The following COL5A2 variants were observed in gnomAD, a reference collection of about 807,000 sequenced individuals.
The protein encoded by COL5A2 is collagen alpha-2(V) chain.
A neutral mutation model predicts 208.2 loss-of-function variants in COL5A2; 23 were observed. The ratio of observed to expected loss-of-function variants is 0.11; its 90% confidence interval spans 0.08 to 0.16. The LOEUF is 0.16. Among genes scored for constraint, COL5A2 ranks in the 10% least tolerant of loss-of-function variants. The pLI is 1.00. For synonymous variants in COL5A2, 625 were observed against 628.5 expected (o/e 0.99, Z 0.08); for missense variants, 1,590 against 1,956.4 (o/e 0.81, Z 3.53).
At chr2:189,377,747 G>A in the COL5A2 span, among the ~76,000 whole-genome samples, 1 of 152,168 alleles carries the variant, frequency 6.6e-6, no homozygotes, top group Non-Finnish European at 1.5e-5. Flanking sequence ...CCTAGAGGAA[G>A]TTATGAATAT....
rs13402010 is a variant in COL5A2 at position 189,054,687 on chromosome 2, T to A, written c.2392-475A>T. Among the ~76,000 whole-genome samples, 512 of 147,248 alleles carry A rather than the reference T, an allele frequency of 3.5e-3. 1 individual carries two copies. The highest frequency in any genetic ancestry group is 0.012 in the African/African-American group (464 of 38,444). On this transcript the variant is annotated intron_variant, in intron 35 of 53. Coordinates refer to ENST00000374866, the MANE Select transcript of COL5A2 (RefSeq NM_000393.5). ...TGTGTTAAGGCATTTTAGGTGTTTTTTCCTTTTTTTTTTTTTTTTTTTTTG... is the reference window on the plus strand; with the variant it reads ...TGTGTTAAGGCATTTTAGGTGTTTTATCCTTTTTTTTTTTTTTTTTTTTTG...
the COL5A2 span, among the ~76,000 whole-genome samples, chr2:189,407,610 G>A: frequency 6.6e-6 from 1 of 152,134 alleles, no homozygotes; most frequent in East Asian, 1.9e-4. Context: ...CCCAGCAGCT[G>A]TGTATGATTA....
At chr2:189,034,813 T>C (rs1351035889) in intron 53 of COL5A2, 103 bp downstream of exon 53, 30 of 1,344,766 alleles carry the variant, frequency 2.2e-5, no homozygotes, top group Non-Finnish European at 3.2e-5. Context: ...ATTATGCTCA[T>C]ATACAAGGTA....
chr2:189,376,479 A>G, the COL5A2 span, among the ~76,000 whole-genome samples: 1 of 152,178 alleles, frequency 6.6e-6, no homozygotes, highest in South Asian at 2.1e-4. Context: ...TACATAACCT[A>G]GATTAGAAAA....
the COL5A2 span, among the ~76,000 whole-genome samples, chr2:189,424,350 GAAAT>G: frequency 7.5e-4 from 114 of 152,268 alleles, no homozygotes; most frequent in African/African-American, 2.6e-3. Flanking sequence ...GCAAAGGAAA[GAAAT>G]AAAAGCCATC....
At chr2:189,219,260 A>G (rs757063046) in intron 1 of COL5A2, among the ~76,000 whole-genome samples, 1 of 152,242 alleles carries the variant, frequency 6.6e-6, no homozygotes, top group Non-Finnish European at 1.5e-5. Flanking sequence ...ACCAAAATCC[A>G]TATGTAACAG....
intron 1 of COL5A2, among the ~76,000 whole-genome samples, chr2:189,192,905 C>T (rs1240770064): frequency 6.6e-6 from 1 of 152,080 alleles, no homozygotes. Context: ...TGCTACTTAT[C>T]ACAAGAGTGC....
chr2:189,045,741 C>T, intron 46 of COL5A2, 59 bp downstream of exon 46: 1 of 1,322,950 alleles, frequency 7.6e-7, no homozygotes, highest in Non-Finnish European at 1.1e-6. Flanking sequence ...CTATATGCAG[C>T]TTATAACATA....
the COL5A2 span, among the ~76,000 whole-genome samples, chr2:189,372,907 G>A: frequency 6.6e-6 from 1 of 152,066 alleles, no homozygotes; most frequent in African/African-American, 2.4e-5. Flanking sequence ...ACACAAACAA[G>A]CTTTATTTTG....
chr2:189,147,210 A>G (rs12995956), intron 1 of COL5A2, among the ~76,000 whole-genome samples: 91,284 of 152,028 alleles, frequency 0.6, 28,639 homozygotes, highest in East Asian at 0.78. Context: ...CCAAAAATGC[A>G]TTGTTATATT....
chr2:189,195,448 A>AATT (rs1245162000), intron 1 of COL5A2, among the ~76,000 whole-genome samples: 1 of 152,194 alleles, frequency 6.6e-6, no homozygotes, highest in Non-Finnish European at 1.5e-5. Context: ...TTCTTCACAG[A>AATT]ATTAGAAAAA....
At chr2:189,185,040 T>C (rs1196510828) in intron 1 of COL5A2, among the ~76,000 whole-genome samples, 2 of 152,196 alleles carry the variant, frequency 1.3e-5, no homozygotes, top group African/African-American at 4.8e-5. Context: ...TTTTTTTTTT[T>C]TGAGACAGAG....
the COL5A2 span, among the ~76,000 whole-genome samples, chr2:189,232,386 G>A: frequency 1.3e-5 from 2 of 151,582 alleles, no homozygotes; most frequent in Middle Eastern, 3.4e-3. Context: ...CACACAGGAA[G>A]CTATTCATGA....
At chr2:189,343,801 C>T in the COL5A2 span, among the ~76,000 whole-genome samples, 4 of 152,138 alleles carry the variant, frequency 2.6e-5, no homozygotes, top group Non-Finnish European at 5.9e-5. Flanking sequence ...CAAAAAGTCA[C>T]ACAAAGGTTA....
At chr2:189,348,098 G>A in the COL5A2 span, among the ~76,000 whole-genome samples, 1 of 151,956 alleles carries the variant, frequency 6.6e-6, no homozygotes, top group Non-Finnish European at 1.5e-5. Flanking sequence ...GAAATTTTTA[G>A]AGCAACCCTT....
the COL5A2 span, among the ~76,000 whole-genome samples, chr2:189,413,960 T>C: frequency 6.6e-6 from 1 of 151,790 alleles, no homozygotes; most frequent in African/African-American, 2.4e-5. Context: ...CCCGGCTAAT[T>C]TGTGTATTTT....
At chr2:189,166,860 A>T (rs1261735322) in intron 1 of COL5A2, among the ~76,000 whole-genome samples, 2 of 152,268 alleles carry the variant, frequency 1.3e-5, no homozygotes, top group African/African-American at 4.8e-5. Flanking sequence ...TAGGACGCTA[A>T]CTATAGGGCA....
chr2:189,106,825 A>ACTC (rs917001735), intron 2 of COL5A2, among the ~76,000 whole-genome samples: 1 of 151,412 alleles, frequency 6.6e-6, no homozygotes, highest in Non-Finnish European at 1.5e-5. Flanking sequence ...TTTTACTTTA[A>ACTC]TTATGAAAGA....
At position 189,068,823 on chromosome 2, in the gene COL5A2, G is replaced by C. The variant is rs760483805; in HGVS notation, c.1220C>G (p.Thr407Ser). 6.2e-7 allele frequency: 1 copy of C among 1,613,316 alleles called. No homozygotes were observed. Among genetic ancestry groups the C allele is most frequent in the Non-Finnish European group, 8.5e-7 (1 of 1,179,932 alleles). Residue 407 changes from threonine to serine, a missense_variant, in exon 19 of 54, where the codon ACT becomes AGT. Coordinates refer to ENST00000374866, the MANE Select transcript of COL5A2 (RefSeq NM_000393.5). ...AGAGCCAACTGGACCTGGGGGCCCA[G>C]TTTCACCTCTCTGCCCCTGAGGACC... ...PEGPQGQRGE[T>S]GPPGPVGSPG...
Sources: allele counts gnomAD v4.1 joint callset (sites outside exome capture counted in the v4.1 genomes callset), GRCh38; gene constraint gnomAD v4.1.1; transcripts MANE v1.5; gene names NCBI Gene and HGNC (gene_info 2026-07-23, HGNC 2026-07-21).